DMAC2: variants seen among roughly 807,000 people sequenced by gnomAD.
DMAC2 encodes distal membrane-arm assembly complex protein 2.
DMAC2 carries 32 observed loss-of-function variants against 29.6 expected under a neutral mutation model. The ratio of observed to expected loss-of-function variants is 1.08; its 90% CI spans 0.81 to 1.45. The LOEUF (loss-of-function observed/expected upper bound fraction) is 1.45, where lower values mean the gene tolerates loss of function less well. Among genes scored for constraint, DMAC2 ranks in the 40% most tolerant of loss-of-function variants. The pLI is 0.00. For synonymous variants in DMAC2, 133 were observed against 137.4 expected (o/e 0.97, Z 0.23); for missense variants, 319 against 340.0 (o/e 0.94, Z 0.49).
chr19:41,432,404 G>A lies in DMAC2; in HGVS notation c.601C>T (p.Leu201Phe), dbSNP rs782307590. ...AGGTCCGAGATGTCCAGCCTGCGGA[G>A]GTTCCTGAAAAGGGGTGAGAAGGAC... is the stretch of plus-strand genomic sequence containing the variant. ...GLACLHHLQN[L>F]RRLDISDLPA... is the part of the protein sequence containing the mutation. Residue 201 changes from leucine to phenylalanine, a missense_variant, in exon 6 of 6, where the codon CTC becomes TTC. Leu to Phe is a conservative substitution (Grantham distance 22). Coordinates refer to ENST00000221943, the MANE Select transcript of DMAC2 (RefSeq NM_018035.3). 13 of 1,613,472 alleles carry A rather than the reference G, an allele frequency of 8.1e-6. No homozygotes were observed. Among genetic ancestry groups the A allele is most frequent in the African/African-American group, 8.0e-5 (6 of 74,930 alleles).
At chr19:41,436,939 G>A (rs1555771359) in intron 2 of DMAC2, among the ~76,000 whole-genome samples, 1 of 152,146 alleles carries the variant, frequency 6.6e-6, no homozygotes, top group South Asian at 2.1e-4. Flanking sequence ...TAGGATGGTT[G>A]AATAAATAAG....
intron 5 of DMAC2, chr19:41,432,797 T>TAGGGA (rs2039629981): frequency 6.0e-6 from 3 of 503,006 alleles, no homozygotes; most frequent in South Asian, 2.5e-5. Context: ...TGTGTGTGTG[T>TAGGGA]GTGTGTGTGT....
At chr19:41,433,250 C>G (rs1555769945) in intron 5 of DMAC2, 22 bp downstream of exon 5, 1 of 1,594,576 alleles carries the variant, frequency 6.3e-7, no homozygotes, top group Non-Finnish European at 8.5e-7. Context: ...GGCATGTGGC[C>G]CAGCCTGAGC....
rs1555771956 is a variant in DMAC2, at chr19:41,438,497, A to C, written c.19-83T>G. On this transcript the variant is annotated intron_variant, in intron 1 of 5. Transcript: ENST00000221943. The stretch of plus-strand genomic sequence containing the variant: ...GGATCCCCCAGTTCTTGCTCCATGA[A>C]CCTCAATCCCTCTGCTTCCCAACTC... 4 of 1,183,124 alleles carry C rather than the reference A, an allele frequency of 3.4e-6. No individual in the cohort carries two copies. The African/African-American group carries it at 6.2e-5, about 18-fold the overall frequency. The allele number at this position is 1,183,124 out of a possible 1,614,324, so 73.3% of individuals were successfully genotyped here. A position where few individuals can be genotyped will look rare whatever the true frequency, so the allele number is the denominator to read the frequency against.
Position 41,433,282 on chromosome 19 carries a change from GGAGGCAGGC to G in DMAC2, c.577_585del (p.Ala193_Leu195del). On this transcript the variant is annotated inframe_deletion, in exon 5 of 6. Coordinates refer to ENST00000221943, the MANE Select transcript of DMAC2 (RefSeq NM_018035.3). ...GAGCTGAGGTCTCACTGGAGGTGGTGGAGGCAGGCGAGGCCCCGTTCGGAGATGCGGGGG... is the reference window on the plus strand; with the variant it reads ...GAGCTGAGGTCTCACTGGAGGTGGTGGAGGCCCCGTTCGGAGATGCGGGGG... 6.2e-7 allele frequency: 1 copy of G among 1,608,500 alleles called. No individual in the cohort carries two copies. The highest frequency in any genetic ancestry group is 8.5e-7 in the Non-Finnish European group (1 of 1,179,056).
intron 2 of DMAC2, 74 bp downstream of exon 2, chr19:41,438,144 G>T: frequency 1.4e-6 from 2 of 1,410,536 alleles, no homozygotes; most frequent in Non-Finnish European, 2.0e-6. Flanking sequence ...GTGCTGCCTG[G>T]GAATGGCAAG....
chr19:41,432,441 G>GT (rs782080517), intron 5 of DMAC2, 33 bp from the exon 6 acceptor site: 3 of 1,605,962 alleles, frequency 1.9e-6, no homozygotes, highest in African/African-American at 2.7e-5. Context: ...GGAAGCCAGT[G>GT]TAAGGACAGC....
Position 41,433,284 on chromosome 19 carries a change from A to T in DMAC2, c.584T>A (p.Leu195His). The T allele has an allele frequency of 6.2e-7, 1 of 1,608,594 alleles. No homozygotes were observed. Among genetic ancestry groups the T allele is most frequent in the Non-Finnish European group, 8.5e-7 (1 of 1,179,080 alleles). Residue 195 changes from leucine to histidine, a missense_variant, in exon 5 of 6, where the codon CTC becomes CAC. Coordinates refer to ENST00000221943, the MANE Select transcript of DMAC2 (RefSeq NM_018035.3). ...GCTGAGGTCTCACTGGAGGTGGTGG[A>T]GGCAGGCGAGGCCCCGTTCGGAGAT... ...PRISERGLAC[L>H]HHLQNLRRLD...
At chr19:41,436,368 G>T (rs2231942) in intron 3 of DMAC2, 24 bp downstream of exon 3, 1 of 1,609,290 alleles carries the variant, frequency 6.2e-7, no homozygotes. Context: ...GCCCCAGCCC[G>T]TTCTAACACC....
chr19:41,433,427 C>CA lies in DMAC2; in HGVS notation c.440dup (p.Lys148GlufsTer91). On this transcript the variant is annotated frameshift_variant, in exon 5 of 6. Coordinates refer to ENST00000221943, the MANE Select transcript of DMAC2 (RefSeq NM_018035.3). LOFTEE classifies it high-confidence loss of function. ...GCAGCGACAAGGACTGGAGCTCCTT[C>CA]AGGCGGACTGCGGTGGGGAGAGGGT... The CA allele has an allele frequency of 5.6e-6, 9 of 1,613,536 alleles. No individual in the cohort carries two copies. The highest frequency in any genetic ancestry group is 7.6e-6 in the Non-Finnish European group (9 of 1,179,608).
At chr19:41,432,789 TGTG>T in intron 5 of DMAC2, 1 of 345,792 alleles carries the variant, frequency 2.9e-6, no homozygotes, top group Non-Finnish European at 5.2e-6. Flanking sequence ...CGTGCGTGTG[TGTG>T]TGTGTGTGTG....
intron 2 of DMAC2, among the ~76,000 whole-genome samples, chr19:41,436,784 G>C (rs80355030): frequency 0.032 from 4,867 of 152,288 alleles, 242 homozygotes; most frequent in African/African-American, 0.11. Flanking sequence ...AAACAAAGCA[G>C]AGAGGCTGAC....
Position 41,433,423 on chromosome 19 carries a change from C to T in DMAC2, c.445G>A (p.Glu149Lys). ...CGCTGCAGCGACAAGGACTGGAGCTCCTTCAGGCGGACTGCGGTGGGGAGA... is the reference window on the plus strand; with the variant it reads ...CGCTGCAGCGACAAGGACTGGAGCTTCTTCAGGCGGACTGCGGTGGGGAGA... ...EGLDNLLRLKELQSLSLQRCC... is the reference protein window; with the variant it reads ...EGLDNLLRLKKLQSLSLQRCC... Residue 149 changes from glutamate to lysine, a missense_variant, in exon 5 of 6, where the codon GAG becomes AAG. Glu to Lys is a moderately conservative substitution (Grantham distance 56, BLOSUM62 1). Coordinates refer to ENST00000221943, the MANE Select transcript of DMAC2 (RefSeq NM_018035.3). The T allele has an allele frequency of 6.2e-7, 1 of 1,613,606 alleles. No homozygotes were observed.
chr19:41,439,635 C>A (rs2040050409), intron 1 of DMAC2: 1 of 1,430,326 alleles, frequency 7.0e-7, no homozygotes. Context: ...ACTCCCTCAT[C>A]CCCATTGGAT....
intron 3 of DMAC2, among the ~76,000 whole-genome samples, chr19:41,434,397 CAAAAAAA>C (rs1160927067): frequency 7.9e-5 from 5 of 63,274 alleles, no homozygotes; most frequent in Non-Finnish European, 1.4e-4. Flanking sequence ...GACCCTATCT[CAAAAAAA>C]AAAAAAAAAA....
intron 3 of DMAC2, among the ~76,000 whole-genome samples, chr19:41,435,112 T>C (rs1568522734): frequency 6.6e-6 from 1 of 152,128 alleles, no homozygotes; most frequent in Non-Finnish European, 1.5e-5. Flanking sequence ...ACTGGGTAGC[T>C]GGGATTACAG....
Position 41,432,146 on chromosome 19 carries a change from C to G in DMAC2, c.*85G>C, listed in dbSNP as rs972948319. 1 of 1,487,088 alleles carries G rather than the reference C, an allele frequency of 6.7e-7. No homozygotes were observed. The highest frequency in any genetic ancestry group is 9.2e-7 in the Non-Finnish European group (1 of 1,089,838). 92.1% of individuals were successfully genotyped at this position (1,487,088 alleles called of 1,614,324 possible). A position where few individuals can be genotyped will look rare whatever the true frequency, so the allele number is the denominator to read the frequency against. The stretch of plus-strand genomic sequence containing the variant: ...CCCCCACCCTGACGTTGAGTGAAGA[C>G]AAATGGAAGCCAGAAGTGTGGTGAG... On this transcript the variant is annotated 3_prime_UTR_variant, in exon 6 of 6. Coordinates refer to ENST00000221943, the MANE Select transcript of DMAC2 (RefSeq NM_018035.3).
At chr19:41,432,913 T>A (rs1030942278) in intron 5 of DMAC2, 2 of 520,394 alleles carry the variant, frequency 3.8e-6, no homozygotes, top group Non-Finnish European at 6.8e-6. Context: ...TGTGTGTGTA[T>A]AGGGAGGTAC....
intron 3 of DMAC2, among the ~76,000 whole-genome samples, 182 bp downstream of exon 3, chr19:41,436,210 G>C (rs191454608): frequency 1.2e-3 from 179 of 152,302 alleles, no homozygotes; most frequent in Middle Eastern, 6.8e-3. Flanking sequence ...TTGTGGGTTA[G>C]AAATGACCAC....
Sources: gnomAD v4.1 joint callset for allele counts (sites outside exome capture counted in the v4.1 genomes callset) on GRCh38, gnomAD v4.1.1 for gene constraint, MANE v1.5 for transcripts, NCBI Gene and HGNC (gene_info 2026-07-23, HGNC 2026-07-21) for gene names.